The following FMN2 variants were observed in gnomAD, a reference collection of about 807,000 sequenced individuals.
The protein encoded by FMN2 is formin 2.
FMN2 carries 51 observed loss-of-function variants against 142.3 expected under a neutral mutation model. That is an observed-to-expected ratio of 0.36 (90% confidence interval 0.29 to 0.45). The LOEUF (loss-of-function observed/expected upper bound fraction) is 0.45. Ranked by LOEUF, FMN2 falls within the 20% of genes least tolerant of loss-of-function variation. The pLI, the probability that FMN2 is intolerant of heterozygous loss-of-function variation, is 1.00. For missense variants in FMN2, 1,936 were observed against 2,122.8 expected, an observed-to-expected ratio of 0.91 and a Z score of 1.73; for synonymous variants, 882 against 869.8, an observed-to-expected ratio of 1.01 and a Z score of -0.25.
Position 240,313,839 on chromosome 1 carries a change from C to T in FMN2, c.4216-15237C>T, listed in dbSNP as rs148771431. Among the ~76,000 whole-genome samples, 12 of 151,828 alleles carry T rather than the reference C, an allele frequency of 7.9e-5. No homozygotes were observed. In the East Asian group the frequency reaches 1.9e-3, roughly 25 times the overall value. On this transcript the variant is annotated intron_variant, in intron 8 of 17. Coordinates refer to ENST00000319653, the MANE Select transcript of FMN2 (RefSeq NM_020066.5). ...AAATACAAAAATTAGCTGGGCGTGG[C>T]GATGTGTGCCTGTAGTCCCAGCTAC...
intron 14 of FMN2, among the ~76,000 whole-genome samples, chr1:240,362,836 G>A (rs1213592664): frequency 6.6e-6 from 1 of 152,146 alleles, no homozygotes; most frequent in Non-Finnish European, 1.5e-5. Context: ...TCCCTACCAT[G>A]ATTTTATAAA....
chr1:240,365,891 G>T (rs1305383285), intron 14 of FMN2, among the ~76,000 whole-genome samples: 1 of 152,060 alleles, frequency 6.6e-6, no homozygotes, highest in Non-Finnish European at 1.5e-5. Context: ...CAGCCATCTT[G>T]CACATAGGAA....
At chr1:240,386,697 A>T (rs1453318429) in intron 14 of FMN2, among the ~76,000 whole-genome samples, 1 of 152,192 alleles carries the variant, frequency 6.6e-6, no homozygotes, top group East Asian at 1.9e-4. Flanking sequence ...GTGGAGTCGG[A>T]TATATTAGTG....
intron 8 of FMN2, among the ~76,000 whole-genome samples, chr1:240,324,802 A>AG (rs1303555243): frequency 1.3e-5 from 2 of 152,084 alleles, no homozygotes; most frequent in Non-Finnish European, 2.9e-5. Flanking sequence ...TCAAAAAAAA[A>AG]AATTGAAAAC....
intron 6 of FMN2, among the ~76,000 whole-genome samples, chr1:240,242,869 C>T (rs912961750): frequency 6.6e-6 from 1 of 152,214 alleles, no homozygotes; most frequent in Non-Finnish European, 1.5e-5. Flanking sequence ...CACCAATTAG[C>T]AAACTGTAAT....
chr1:240,179,377 G>A (rs16839582), intron 3 of FMN2: 34,047 of 151,922 alleles, frequency 0.22, 4,059 homozygotes, highest in African/African-American at 0.29. Flanking sequence ...TTCCACTGAT[G>A]CACTGAAATG....
chr1:240,416,252 C>T (rs923999525), intron 15 of FMN2, among the ~76,000 whole-genome samples: 1 of 139,314 alleles, frequency 7.2e-6, no homozygotes, highest in Non-Finnish European at 1.5e-5. Flanking sequence ...CTGTACATTC[C>T]CTTTCCACTC....
chr1:240,155,992 A>G (rs981988900), intron 2 of FMN2, among the ~76,000 whole-genome samples: 3 of 151,818 alleles, frequency 2.0e-5, no homozygotes, highest in African/African-American at 4.8e-5. Context: ...TAATCCTAGC[A>G]CTTTAGGAGC....
At chr1:240,377,849 T>C (rs1456228127) in intron 14 of FMN2, among the ~76,000 whole-genome samples, 1 of 152,148 alleles carries the variant, frequency 6.6e-6, no homozygotes, top group Non-Finnish European at 1.5e-5. Flanking sequence ...AGCTGGGGAT[T>C]AATAAATTAA....
At chr1:240,365,419 TTA>T (rs1672637253) in intron 14 of FMN2, among the ~76,000 whole-genome samples, 1 of 152,168 alleles carries the variant, frequency 6.6e-6, no homozygotes, top group South Asian at 2.1e-4. Flanking sequence ...ATGAAATATT[TTA>T]TATTTCTTTG....
At chr1:240,269,310 C>T (rs1668915290) in intron 7 of FMN2, among the ~76,000 whole-genome samples, 1 of 151,936 alleles carries the variant, frequency 6.6e-6, no homozygotes, top group South Asian at 2.1e-4. Context: ...TGTCCTTTCC[C>T]CATTCTGTGT....
intron 7 of FMN2, among the ~76,000 whole-genome samples, chr1:240,271,098 G>GCTTT (rs1233218686): frequency 0.025 from 1,773 of 72,188 alleles, 43 homozygotes; most frequent in South Asian, 0.074. Flanking sequence ...TTCCACGATG[G>GCTTT]TTTTTTTTTT....
At chr1:240,153,978 T>C (rs960165835) in intron 2 of FMN2, among the ~76,000 whole-genome samples, 23 of 151,316 alleles carry the variant, frequency 1.5e-4, no homozygotes, top group Admixed American at 9.2e-4. Context: ...CAGCCAGGTG[T>C]GGTGGTGCAT....
chr1:240,313,393 T>C (rs1670659689), intron 8 of FMN2, among the ~76,000 whole-genome samples: 1 of 152,214 alleles, frequency 6.6e-6, no homozygotes, highest in African/African-American at 2.4e-5. Flanking sequence ...AGTGCAGTAA[T>C]GTATAATATT....
chr1:240,360,642 G>A (rs947065741), intron 14 of FMN2, among the ~76,000 whole-genome samples: 1 of 152,166 alleles, frequency 6.6e-6, no homozygotes, highest in Non-Finnish European at 1.5e-5. Flanking sequence ...TTGATTATTA[G>A]AGGAATGATT....
intron 3 of FMN2, among the ~76,000 whole-genome samples, chr1:240,179,829 C>A (rs1321781875): frequency 6.6e-6 from 1 of 152,132 alleles, no homozygotes; most frequent in East Asian, 1.9e-4. Flanking sequence ...TGTTTTGCAT[C>A]ATTGATTGGG....
intron 15 of FMN2, among the ~76,000 whole-genome samples, chr1:240,420,261 A>G (rs1372948813): frequency 6.6e-6 from 1 of 152,024 alleles, no homozygotes; most frequent in Non-Finnish European, 1.5e-5. Context: ...GGACTCACAC[A>G]ATGCATGCTG....
intron 2 of FMN2, among the ~76,000 whole-genome samples, chr1:240,151,660 T>C (rs1017002587): frequency 6.6e-6 from 1 of 152,164 alleles, no homozygotes; most frequent in Non-Finnish European, 1.5e-5. Flanking sequence ...CCCACTCAGC[T>C]TGAGACTTGC....
intron 2 of FMN2, among the ~76,000 whole-genome samples, chr1:240,138,749 T>C (rs200289750): frequency 3.9e-5 from 6 of 152,000 alleles, no homozygotes; most frequent in East Asian, 1.9e-4. Flanking sequence ...AATTTGTTTT[T>C]CCCCCTTTTA....
Sources: gnomAD v4.1 joint callset for allele counts (sites outside exome capture counted in the v4.1 genomes callset) on GRCh38, gnomAD v4.1.1 for gene constraint, MANE v1.5 for transcripts, NCBI Gene and HGNC (gene_info 2026-07-23, HGNC 2026-07-21) for gene names.